FBLN7: variants seen among roughly 807,000 people sequenced by gnomAD.
The protein encoded by FBLN7 is fibulin 7.
Under a neutral mutation model 44.0 loss-of-function variants are expected in FBLN7, and 31 were observed. The observed-to-expected ratio is 0.70, with a 90% CI of 0.53 to 0.95. The LOEUF (loss-of-function observed/expected upper bound fraction) is 0.95, where lower values mean the gene tolerates loss of function less well. Among genes scored for constraint, FBLN7 ranks in the 40% least tolerant of loss-of-function variants. The pLI, the probability that FBLN7 is intolerant of heterozygous loss-of-function variation, is 0.00. For missense variants in FBLN7, 573 were observed against 618.5 expected (o/e 0.93, Z 0.78); for synonymous variants, 262 against 253.4 (o/e 1.03, Z -0.32).
At chr2:112,184,815 T>C (rs1400722485) in intron 6 of FBLN7, among the ~76,000 whole-genome samples, 2 of 141,742 alleles carry the variant, frequency 1.4e-5, no homozygotes, top group Admixed American at 7.1e-5. Context: ...TACATATATA[T>C]ATATACCATA....
chr2:112,235,461 C>A, the FBLN7 span, among the ~76,000 whole-genome samples: 1 of 152,162 alleles, frequency 6.6e-6, no homozygotes, highest in Admixed American at 6.5e-5. Flanking sequence ...CCCTGTGTGA[C>A]TATGGGTAAT....
the FBLN7 span, chr2:112,215,447 A>G: frequency 6.6e-6 from 1 of 152,200 alleles, no homozygotes; most frequent in Non-Finnish European, 1.5e-5. Flanking sequence ...CTTGGAGTAT[A>G]TGCAATTCCC....
chr2:112,229,942 CA>C, the FBLN7 span, among the ~76,000 whole-genome samples: 31 of 116,748 alleles, frequency 2.7e-4, no homozygotes, highest in Admixed American at 4.4e-4. Context: ...TGAGATGCCG[CA>C]AAAAAAAAAA....
intron 6 of FBLN7, 111 bp downstream of exon 6, chr2:112,183,039 C>A: frequency 7.0e-7 from 1 of 1,421,144 alleles, no homozygotes; most frequent in African/African-American, 1.5e-5. Context: ...GTTTCAGATA[C>A]ATTGGATTTT....
At chr2:112,235,207 G>A in the FBLN7 span, among the ~76,000 whole-genome samples, 1 of 152,192 alleles carries the variant, frequency 6.6e-6, no homozygotes, top group Admixed American at 6.5e-5. Context: ...GGAGCTGACT[G>A]TACAGTCATT....
the FBLN7 span, among the ~76,000 whole-genome samples, chr2:112,209,010 T>C: frequency 2.6e-5 from 4 of 152,180 alleles, no homozygotes; most frequent in Non-Finnish European, 5.9e-5. Context: ...CCCTTAAAAA[T>C]GCATATTAGA....
chr2:112,181,751 G>T lies in FBLN7; in HGVS notation c.545G>T (p.Gly182Val). The T allele has an allele frequency of 7.1e-7, 1 of 1,399,368 alleles. No homozygotes were observed. The highest frequency in any genetic ancestry group is 9.2e-7 in the Non-Finnish European group (1 of 1,083,674). 86.7% of individuals were successfully genotyped at this position (1,399,368 alleles called of 1,614,324 possible). Reference protein sequence around the residue: ...QHQAQTAAPEGSVAGDSAFSR... With the variant: ...QHQAQTAAPEVSVAGDSAFSR... ...CTTCTCCCCGCAGCCGCCCCCGAGG[G>T]CAGCGTGGCCGGCGACTCCGCCTTC... is the stretch of plus-strand genomic sequence containing the variant. Residue 182 changes from glycine (G) to valine (V), a missense_variant, in exon 5 of 8, where the codon GGC becomes GTC. Coordinates refer to ENST00000331203, the MANE Select transcript of FBLN7 (RefSeq NM_153214.3).
chr2:112,154,117 A>G (rs896109136), intron 1 of FBLN7, among the ~76,000 whole-genome samples: 10 of 152,228 alleles, frequency 6.6e-5, no homozygotes, highest in Admixed American at 1.3e-4. Flanking sequence ...TCACCCCTTT[A>G]AAGAGTTTCA....
At chr2:112,162,392 T>C (rs1681926963) in intron 2 of FBLN7, among the ~76,000 whole-genome samples, 1 of 151,978 alleles carries the variant, frequency 6.6e-6, no homozygotes, top group South Asian at 2.1e-4. Flanking sequence ...ATTCTTGGTC[T>C]TCCTCTCTGG....
chr2:112,166,074 G>A (rs566667563), intron 3 of FBLN7, among the ~76,000 whole-genome samples: 116 of 152,144 alleles, frequency 7.6e-4, no homozygotes, highest in African/African-American at 2.6e-3. Context: ...TGTTTGAGAC[G>A]GAGTCTCGCT....
rs114551014 is a variant in FBLN7, at chr2:112,174,260, C to T, written c.407-1454C>T. On this transcript the variant is annotated intron_variant, in intron 3 of 7. Coordinates refer to ENST00000331203, the MANE Select transcript of FBLN7 (RefSeq NM_153214.3). ...TCATTTCAGACACATTCCTGGAAAC[C>T]GGTCTTCTGCAAACAGAATGTATGA... Among the ~76,000 whole-genome samples the T allele has an allele frequency of 3.7e-3, 571 of 152,304 alleles. 6 individuals carry two copies. Among genetic ancestry groups the T allele is most frequent in the African/African-American group, 0.013 (554 of 41,554 alleles).
At chr2:112,197,603 G>A in the FBLN7 span, among the ~76,000 whole-genome samples, 1 of 152,166 alleles carries the variant, frequency 6.6e-6, no homozygotes, top group Non-Finnish European at 1.5e-5. Flanking sequence ...CCAGCTGAGG[G>A]TAAATCACCT....
chr2:112,190,557 G>A (rs1371943531), downstream of FBLN7: 1 of 152,118 alleles, frequency 6.6e-6, no homozygotes, highest in East Asian at 1.9e-4. Context: ...TGAACTCATG[G>A]TTGAAACATA....
the FBLN7 span, among the ~76,000 whole-genome samples, chr2:112,243,960 A>C: frequency 6.6e-6 from 1 of 151,880 alleles, no homozygotes; most frequent in Non-Finnish European, 1.5e-5. Flanking sequence ...GATCTTAGTT[A>C]AATTGTAATT....
At chr2:112,141,730 A>C (rs1207361748) in intron 1 of FBLN7, among the ~76,000 whole-genome samples, 3 of 152,142 alleles carry the variant, frequency 2.0e-5, no homozygotes, top group African/African-American at 7.2e-5. Flanking sequence ...CGTGGACAGG[A>C]TGTGTGATGA....
chr2:112,214,603 T>C, the FBLN7 span: 3 of 152,188 alleles, frequency 2.0e-5, no homozygotes, highest in African/African-American at 7.2e-5. Context: ...GGCTAGGTGA[T>C]AGAGTACTTT....
chr2:112,159,492 G>C (rs972305647), intron 1 of FBLN7, among the ~76,000 whole-genome samples, 184 bp from the exon 2 acceptor site: 1 of 152,154 alleles, frequency 6.6e-6, no homozygotes, highest in African/African-American at 2.4e-5. Flanking sequence ...TTTTGTCAAG[G>C]GGTGAACTGG....
In FBLN7 at chr2:112,165,116, C is replaced by G; in HGVS notation, c.351C>G (p.Ser117Arg). Reference protein sequence around the residue: ...CNPGFRLVGPSSVVCLPNGTW... With the variant: ...CNPGFRLVGPRSVVCLPNGTW... ...CTGGGTTCCGGCTGGTCGGGCCCAG[C>G]AGCGTGGTGTGTCTTCCCAATGGCA... The change falls in exon 3 of 8, where the codon AGC becomes AGG. Residue 117 changes from serine to arginine, a missense_variant. By Grantham distance (110) the Ser-to-Arg change is moderately radical (BLOSUM62 -1). Coordinates refer to ENST00000331203, the MANE Select transcript of FBLN7 (RefSeq NM_153214.3). The G allele has an allele frequency of 6.2e-7, 1 of 1,614,228 alleles. No individual in the cohort carries two copies. Among genetic ancestry groups the G allele is most frequent in the Non-Finnish European group, 8.5e-7 (1 of 1,180,032 alleles).
chr2:112,152,720 AC>A (rs1338257920), intron 1 of FBLN7: 1 of 151,998 alleles, frequency 6.6e-6, no homozygotes, highest in Non-Finnish European at 1.5e-5. Context: ...TCTGCCTTTG[AC>A]CTTGAGCTGC....
Sources: gnomAD v4.1 joint callset for allele counts (sites outside exome capture counted in the v4.1 genomes callset) on GRCh38, gnomAD v4.1.1 for gene constraint, MANE v1.5 for transcripts, NCBI Gene and HGNC (gene_info 2026-07-23, HGNC 2026-07-21) for gene names.